Variants in CNTNAP2 observed in about 807,000 individuals in gnomAD.
CNTNAP2 encodes contactin-associated protein-like 2.
Under a neutral mutation model 155.2 loss-of-function variants are expected in CNTNAP2, and 98 were observed. The ratio of observed to expected loss-of-function variants is 0.63; its 90% CI spans 0.54 to 0.75. The LOEUF (loss-of-function observed/expected upper bound fraction) is 0.75. Ranked by LOEUF, CNTNAP2 falls within the 30% of genes least tolerant of loss-of-function variation. The pLI is 0.00. For synonymous variants in CNTNAP2, 651 were observed against 631.2 expected (o/e 1.03, Z -0.47); for missense variants, 1,727 against 1,688.1 (o/e 1.02, Z -0.40).
intron 21 of CNTNAP2, among the ~76,000 whole-genome samples, chr7:148,283,525 C>T (rs73464125): frequency 0.15 from 22,162 of 152,114 alleles, 2,085 homozygotes; most frequent in African/African-American, 0.26. Flanking sequence ...ATGTGCTGTG[C>T]AGCAAACAAT....
In CNTNAP2 at chr7:146,842,014, C is replaced by T. The variant is rs529208539; in HGVS notation, c.402+2110C>T. ...TCTCCTGCCTCAGCCTCCCGAGTAG[C>T]TGGGATTGCAGGCATCCACCACCAT... is the stretch of plus-strand genomic sequence containing the variant. On this transcript the variant is annotated intron_variant, in intron 3 of 23. Coordinates refer to ENST00000361727, the MANE Select transcript of CNTNAP2 (RefSeq NM_014141.6). 4.0e-5 allele frequency among the ~76,000 whole-genome samples: 6 copies of T among 150,836 alleles called. No individual in the cohort carries two copies. In the East Asian group the frequency reaches 1.2e-3, roughly 30 times the overall value.
At position 148,344,811 on chromosome 7, in the gene CNTNAP2, G is replaced by A. The variant is rs114577100; in HGVS notation, c.3476-38838G>A. Among the ~76,000 whole-genome samples, 1,467 of 152,248 alleles carry A rather than the reference G, an allele frequency of 9.6e-3. 18 individuals are homozygous for A. The highest frequency in any genetic ancestry group is 0.033 in the African/African-American group (1,351 of 41,534). On this transcript the variant is annotated intron_variant, in intron 21 of 23. Transcript: ENST00000361727. Reference sequence around the variant, plus strand: ...ATGCAAGTTATCATTTTTTAAGTGCGTATAAATCTAAGCCAAAACCAATAA... The same window carrying A: ...ATGCAAGTTATCATTTTTTAAGTGCATATAAATCTAAGCCAAAACCAATAA...
chr7:147,262,927 T>A (rs1029126648), intron 8 of CNTNAP2, among the ~76,000 whole-genome samples: 1 of 152,158 alleles, frequency 6.6e-6, no homozygotes, highest in Non-Finnish European at 1.5e-5. Context: ...GAAATAAATA[T>A]CTATTGCTTA....
intron 22 of CNTNAP2, among the ~76,000 whole-genome samples, chr7:148,388,022 A>G (rs917804839): frequency 6.6e-6 from 1 of 152,200 alleles, no homozygotes; most frequent in South Asian, 2.1e-4. Context: ...TAGGGCCTAA[A>G]AAAAGGGGAG....
intron 1 of CNTNAP2, among the ~76,000 whole-genome samples, chr7:146,164,271 A>AC (rs397713665): frequency 1.3e-5 from 2 of 152,062 alleles, no homozygotes; most frequent in African/African-American, 4.8e-5. Flanking sequence ...ACACTAAAAA[A>AC]CAGAATCTTA....
At chr7:146,925,646 G>A (rs912869967) in intron 3 of CNTNAP2, among the ~76,000 whole-genome samples, 1 of 152,068 alleles carries the variant, frequency 6.6e-6, no homozygotes. Flanking sequence ...ATGTCACAAG[G>A]AAAACTGGTC....
intron 1 of CNTNAP2, among the ~76,000 whole-genome samples, chr7:146,287,139 C>T (rs765043474): frequency 7.9e-5 from 12 of 152,150 alleles, no homozygotes; most frequent in Non-Finnish European, 1.8e-4. Context: ...CCACCTTTTT[C>T]TAAAGAATAA....
intron 3 of CNTNAP2, among the ~76,000 whole-genome samples, chr7:146,865,822 G>T (rs1175238290): frequency 1.3e-5 from 2 of 152,026 alleles, no homozygotes; most frequent in African/African-American, 4.8e-5. Context: ...CTAAGAAAAT[G>T]AAAATCAAAC....
chr7:147,949,186 G>A (rs970641861), intron 14 of CNTNAP2, among the ~76,000 whole-genome samples: 10 of 151,122 alleles, frequency 6.6e-5, no homozygotes, highest in Admixed American at 2.0e-4. Flanking sequence ...GGCAATAAGA[G>A]CGAAACTCCG....
At chr7:146,564,572 CATG>C in intron 1 of CNTNAP2, among the ~76,000 whole-genome samples, 1 of 148,010 alleles carries the variant, frequency 6.8e-6, no homozygotes, top group Non-Finnish European at 1.5e-5. Context: ...TATAATGCAA[CATG>C]TAATATTATA....
chr7:147,884,651 A>AC (rs1799576162), intron 13 of CNTNAP2, among the ~76,000 whole-genome samples: 1 of 152,098 alleles, frequency 6.6e-6, no homozygotes, highest in African/African-American at 2.4e-5. Context: ...TCAGGAAAAA[A>AC]AGAATAAGGG....
At chr7:147,915,496 T>C (rs983114726) in intron 14 of CNTNAP2, among the ~76,000 whole-genome samples, 3 of 152,148 alleles carry the variant, frequency 2.0e-5, no homozygotes, top group Non-Finnish European at 2.9e-5. Context: ...TGACACCAGT[T>C]GCTAAACTGA....
At chr7:146,309,832 GGAAGGAAGGAAGGAAGGAAGGAAAGAAA>G (rs940524981) in intron 1 of CNTNAP2, among the ~76,000 whole-genome samples, 7 of 139,284 alleles carry the variant, frequency 5.0e-5, no homozygotes, top group African/African-American at 6.2e-5. Context: ...AGAAAGGAAA[GGAAGGAAGGAAGGAAGGAAGGAAAGAAA>G]GAAGGAAGGA....
At chr7:146,863,912 T>G (rs910904235) in intron 3 of CNTNAP2, among the ~76,000 whole-genome samples, 3 of 152,162 alleles carry the variant, frequency 2.0e-5, no homozygotes, top group Admixed American at 2.0e-4. Flanking sequence ...TATCAAGTGC[T>G]TTTCAATATT....
At chr7:146,934,511 A>C (rs1289481255) in intron 3 of CNTNAP2, among the ~76,000 whole-genome samples, 1 of 151,718 alleles carries the variant, frequency 6.6e-6, no homozygotes, top group Non-Finnish European at 1.5e-5. Flanking sequence ...TGACGAGTTA[A>C]TGGGTGCAGC....
At chr7:146,749,976 T>A (rs1238818380) in intron 1 of CNTNAP2, among the ~76,000 whole-genome samples, 1 of 152,196 alleles carries the variant, frequency 6.6e-6, no homozygotes, top group Non-Finnish European at 1.5e-5. Context: ...TGTTTAAAGA[T>A]GAGCCATGGG....
At chr7:148,211,387 C>T (rs954612108) in intron 18 of CNTNAP2, among the ~76,000 whole-genome samples, 1 of 152,188 alleles carries the variant, frequency 6.6e-6, no homozygotes, top group Non-Finnish European at 1.5e-5. Flanking sequence ...AAGAAGCTCA[C>T]CACAATGGGA....
chr7:146,320,412 C>T (rs1042419018), intron 1 of CNTNAP2, among the ~76,000 whole-genome samples: 1 of 151,954 alleles, frequency 6.6e-6, no homozygotes, highest in Non-Finnish European at 1.5e-5. Context: ...GAACAAGTTA[C>T]GTAAATTCAT....
chr7:146,725,515 T>A lies in CNTNAP2; in HGVS notation c.98-48756T>A, dbSNP rs549823791. On this transcript the variant is annotated intron_variant, in intron 1 of 23. Transcript: ENST00000361727. The stretch of plus-strand genomic sequence containing the variant: ...TAAAGCTAATGAGAGACCACCAGGT[T>A]TAAAGGATGAGAGGAACTTAAATTC... Among the ~76,000 whole-genome samples, 5 of 152,270 alleles carry A rather than the reference T, an allele frequency of 3.3e-5. No individual in the cohort carries two copies. In the East Asian group the frequency reaches 7.7e-4, roughly 24 times the overall value.
Sources: gnomAD v4.1 joint callset for allele counts (sites outside exome capture counted in the v4.1 genomes callset) on GRCh38, gnomAD v4.1.1 for gene constraint, MANE v1.5 for transcripts, NCBI Gene and HGNC (gene_info 2026-07-23, HGNC 2026-07-21) for gene names.